The following CLIP4 variants were observed in gnomAD, a reference collection of about 807,000 sequenced individuals.
CLIP4 encodes CAP-Gly domain-containing linker protein 4.
A neutral mutation model predicts 73.1 loss-of-function variants in CLIP4; 47 were observed. That is an observed-to-expected ratio of 0.64 (90% CI 0.51 to 0.82). The LOEUF is 0.82. CLIP4 is among the 40% of genes least tolerant of loss of function. The pLI, the probability that CLIP4 is intolerant of heterozygous loss-of-function variation, is 0.00. For synonymous variants in CLIP4, 306 were observed against 295.4 expected (o/e 1.04, Z -0.37); for missense variants, 874 against 852.9 (o/e 1.02, Z -0.31).
intron 15 of CLIP4, among the ~76,000 whole-genome samples, chr2:29,176,609 A>G (rs932605574): frequency 2.0e-5 from 3 of 152,190 alleles, no homozygotes; most frequent in South Asian, 2.1e-4. Context: ...TCTTCAGAAC[A>G]CTGTATGTCC....
At chr2:29,164,055 C>T in intron 13 of CLIP4, 101 bp downstream of exon 13, 2 of 993,270 alleles carry the variant, frequency 2.0e-6, no homozygotes, top group South Asian at 3.6e-5. Flanking sequence ...CTGATTGTAG[C>T]TCATGTCTTC....
At chr2:29,130,864 T>C (rs766286627) in intron 2 of CLIP4, 136 of 1,290,134 alleles carry the variant, frequency 1.1e-4, no homozygotes, top group Non-Finnish European at 1.3e-4. Flanking sequence ...TACTTATGCA[T>C]GCTGTTACAA....
intron 8 of CLIP4, among the ~76,000 whole-genome samples, 182 bp downstream of exon 8, chr2:29,145,549 G>A (rs765972635): frequency 1.3e-5 from 2 of 152,142 alleles, no homozygotes; most frequent in Non-Finnish European, 2.9e-5. Flanking sequence ...GACGAGAGGC[G>A]ACGTGAGAGG....
intron 1 of CLIP4, among the ~76,000 whole-genome samples, chr2:29,104,076 A>G (rs1164078050): frequency 6.6e-6 from 1 of 152,052 alleles, no homozygotes; most frequent in East Asian, 1.9e-4. Flanking sequence ...AGCCCTAAAC[A>G]TCTGACTTCA....
Position 29,143,954 on chromosome 2 carries a change from A to G in CLIP4, c.885+9A>G. 1 of 1,608,710 alleles carries G rather than the reference A, an allele frequency of 6.2e-7. No homozygotes were observed. The highest frequency in any genetic ancestry group is 8.5e-7 in the Non-Finnish European group (1 of 1,174,978). Reference sequence around the variant, plus strand: ...TTATTGCAGGACAGAAGGTACAGTAAGTAACTGCAATCTCTGAAGCCAGGG... The same window carrying G: ...TTATTGCAGGACAGAAGGTACAGTAGGTAACTGCAATCTCTGAAGCCAGGG... On this transcript the variant is annotated intron_variant, in intron 7 of 15. Coordinates refer to ENST00000320081, the MANE Select transcript of CLIP4 (RefSeq NM_024692.6).
intron 14 of CLIP4, among the ~76,000 whole-genome samples, chr2:29,170,867 A>T (rs1039674872): frequency 6.6e-6 from 1 of 151,548 alleles, no homozygotes; most frequent in East Asian, 1.9e-4. Flanking sequence ...TCTTTTTTCC[A>T]TTGAATTGCC....
chr2:29,173,766 T>A (rs1345317519), intron 14 of CLIP4, among the ~76,000 whole-genome samples: 2 of 152,218 alleles, frequency 1.3e-5, no homozygotes, highest in Admixed American at 1.3e-4. Flanking sequence ...AATTTACCTC[T>A]TGTGAAGTGT....
intron 2 of CLIP4, among the ~76,000 whole-genome samples, chr2:29,127,286 C>G (rs1176901271): frequency 6.6e-6 from 1 of 151,870 alleles, no homozygotes; most frequent in Non-Finnish European, 1.5e-5. Context: ...AGAAGCCAAG[C>G]AGAGGACTTG....
intron 8 of CLIP4, among the ~76,000 whole-genome samples, chr2:29,146,246 G>T (rs1337372738): frequency 6.6e-6 from 1 of 152,144 alleles, no homozygotes; most frequent in Non-Finnish European, 1.5e-5. Context: ...GGCACGCCCA[G>T]CTCTGCAGAC....
At chr2:29,119,530 C>T (rs187002255) in intron 1 of CLIP4, among the ~76,000 whole-genome samples, 13 of 152,226 alleles carry the variant, frequency 8.5e-5, no homozygotes, top group Middle Eastern at 3.4e-3. Flanking sequence ...AGTCCCAAAC[C>T]GTGATTATAG....
intron 15 of CLIP4, among the ~76,000 whole-genome samples, chr2:29,177,928 C>T (rs1180190190): frequency 6.6e-6 from 1 of 152,152 alleles, no homozygotes; most frequent in East Asian, 1.9e-4. Flanking sequence ...TTTGACATAC[C>T]TTGAATCAAA....
chr2:29,161,036 A>G (rs1667257173), intron 12 of CLIP4, among the ~76,000 whole-genome samples: 1 of 151,866 alleles, frequency 6.6e-6, no homozygotes, highest in African/African-American at 2.4e-5. Flanking sequence ...GTGCAATGGC[A>G]TGATCTCAGC....
chr2:29,135,192 A>G (rs890355251), intron 5 of CLIP4, among the ~76,000 whole-genome samples: 3 of 152,162 alleles, frequency 2.0e-5, no homozygotes, highest in Non-Finnish European at 2.9e-5. Flanking sequence ...CTACTACTCT[A>G]CCTCACTGTA....
At position 29,171,423 on chromosome 2, in the gene CLIP4, G is replaced by A. The variant is rs563277596; in HGVS notation, c.1724-2950G>A. On this transcript the variant is annotated intron_variant, in intron 14 of 15. Transcript: ENST00000320081. ...CTTATACCAACTTTCTTTTGGTTAA[G>A]TATTTGCCGAATATATCTTTTTCTG... is the stretch of plus-strand genomic sequence containing the variant. 1.3e-4 allele frequency among the ~76,000 whole-genome samples: 20 copies of A among 151,768 alleles called. No individual in the cohort carries two copies. The South Asian group carries it at 4.1e-3, about 31-fold the overall frequency.
rs761823752 is a variant in CLIP4, at chr2:29,157,320, C to T, written c.1372C>T (p.Pro458Ser). The change falls in exon 11 of 16, where the codon CCT (proline) becomes TCT (serine). Residue 458 changes from proline to serine, a missense_variant. Transcript: ENST00000320081. ...SSNKKTMSKS[P>S]SLSSRASAGL... ...TAACAAGAAGACAATGAGCAAAAGCCCTTCCCTTTCATCCAGAGCCAGTGC... is the reference window on the plus strand; with the variant it reads ...TAACAAGAAGACAATGAGCAAAAGCTCTTCCCTTTCATCCAGAGCCAGTGC... 4 of 1,614,030 alleles carry T rather than the reference C, an allele frequency of 2.5e-6. No individual in the cohort carries two copies. In the South Asian group the frequency reaches 3.3e-5, roughly 13 times the overall value.
At chr2:29,149,242 A>G (rs1666378244) in intron 8 of CLIP4, among the ~76,000 whole-genome samples, 1 of 152,174 alleles carries the variant, frequency 6.6e-6, no homozygotes. Flanking sequence ...TTTACCAACT[A>G]CTATCCTGAG....
chr2:29,166,709 A>G (rs1573012373), intron 13 of CLIP4, among the ~76,000 whole-genome samples: 1 of 152,190 alleles, frequency 6.6e-6, no homozygotes, highest in African/African-American at 2.4e-5. Context: ...TTCTCTTCAT[A>G]AAATCATATT....
At chr2:29,167,334 G>T in intron 13 of CLIP4, 142 bp from the exon 14 acceptor site, 1 of 467,332 alleles carries the variant, frequency 2.1e-6, no homozygotes, top group Non-Finnish European at 3.9e-6. Flanking sequence ...CCAGATGGAA[G>T]TTCATTCCTG....
chr2:29,174,818 G>A (rs567713584), intron 15 of CLIP4: 11 of 368,236 alleles, frequency 3.0e-5, no homozygotes, highest in African/African-American at 1.1e-4. Flanking sequence ...AATGTAAGGC[G>A]TAATCTTGCA....
Sources: gnomAD v4.1 joint callset for allele counts (sites outside exome capture counted in the v4.1 genomes callset) on GRCh38, gnomAD v4.1.1 for gene constraint, MANE v1.5 for transcripts, NCBI Gene and HGNC (gene_info 2026-07-23, HGNC 2026-07-21) for gene names.